Variants in KCNH7 observed in about 807,000 individuals in gnomAD.
The protein encoded by KCNH7 is potassium voltage-gated channel subfamily H member 7.
In KCNH7, 49 loss-of-function variants were observed where a neutral mutation model predicts 120.8. That is an observed-to-expected ratio of 0.41 (90% CI 0.32 to 0.51). The LOEUF is 0.51. KCNH7 is among the 20% of genes least tolerant of loss of function. The pLI, the probability that KCNH7 is intolerant of heterozygous loss-of-function variation, is 0.38. For missense variants in KCNH7, 1,097 were observed against 1,446.6 expected (o/e 0.76, Z 3.92); for synonymous variants, 547 against 516.1 (o/e 1.06, Z -0.81).
intron 2 of KCNH7, among the ~76,000 whole-genome samples, chr2:162,695,450 C>T (rs187402146): frequency 6.6e-6 from 1 of 152,160 alleles, no homozygotes; most frequent in Non-Finnish European, 1.5e-5. Flanking sequence ...AGCTGGGTGA[C>T]AAGATATTTC....
intron 2 of KCNH7, among the ~76,000 whole-genome samples, chr2:162,612,515 G>A (rs1415463489): frequency 6.6e-6 from 1 of 152,000 alleles, no homozygotes; most frequent in Non-Finnish European, 1.5e-5. Context: ...ACCCCAAATA[G>A]TAAATTATCA....
chr2:162,648,862 C>T (rs1017932111), intron 2 of KCNH7, among the ~76,000 whole-genome samples: 3 of 151,962 alleles, frequency 2.0e-5, no homozygotes, highest in Non-Finnish European at 2.9e-5. Flanking sequence ...GGTGGTGGGA[C>T]GTGAGGTGGG....
intron 2 of KCNH7, among the ~76,000 whole-genome samples, chr2:162,771,295 C>G (rs1683045662): frequency 6.6e-6 from 1 of 152,106 alleles, no homozygotes; most frequent in African/African-American, 2.4e-5. Flanking sequence ...TTTCATTGCT[C>G]TTATGAAATG....
intron 2 of KCNH7, among the ~76,000 whole-genome samples, chr2:162,630,205 A>T (rs535393756): frequency 7.2e-5 from 11 of 152,132 alleles, no homozygotes; most frequent in Non-Finnish European, 1.5e-4. Flanking sequence ...AGTTTTGCAA[A>T]TATTGAATTT....
At position 162,584,200 on chromosome 2, in the gene KCNH7, A is replaced by G. The variant is rs761044258; in HGVS notation, c.308-47120T>C. Among the ~76,000 whole-genome samples the G allele has an allele frequency of 1.5e-4, 23 of 152,120 alleles. 1 individual carries two copies. The highest frequency in any genetic ancestry group is 1.4e-3 in the Admixed American group (22 of 15,258). ...TACAGGTGTATAGGCCTCTAATACC[A>G]TATGCTGTTTGATGATGTAATTTAC... On this transcript the variant is annotated intron_variant, in intron 2 of 15. Transcript: ENST00000332142.
At chr2:162,401,455 T>A (rs1292732869) in intron 9 of KCNH7, among the ~76,000 whole-genome samples, 1 of 151,962 alleles carries the variant, frequency 6.6e-6, no homozygotes. Context: ...GGGCATTTCC[T>A]ATCTTTTTGG....
chr2:162,408,033 A>G (rs1687280107), intron 9 of KCNH7, among the ~76,000 whole-genome samples: 1 of 152,066 alleles, frequency 6.6e-6, no homozygotes, highest in Non-Finnish European at 1.5e-5. Context: ...CCAGTTTTCA[A>G]ATTTGAAAGC....
intron 2 of KCNH7, among the ~76,000 whole-genome samples, chr2:162,620,311 T>C (rs1459349624): frequency 1.3e-5 from 2 of 151,816 alleles, no homozygotes; most frequent in East Asian, 3.9e-4. Flanking sequence ...TTGAACCCCA[T>C]GATCTCAAAG....
chr2:162,456,826 C>G (rs555663155), intron 6 of KCNH7, among the ~76,000 whole-genome samples: 1 of 152,036 alleles, frequency 6.6e-6, no homozygotes, highest in Non-Finnish European at 1.5e-5. Context: ...GGATTTCAAA[C>G]CCCTGCTTTT....
intron 2 of KCNH7, among the ~76,000 whole-genome samples, chr2:162,829,790 AAC>A (rs1472925872): frequency 4.0e-5 from 6 of 151,896 alleles, no homozygotes; most frequent in African/African-American, 7.3e-5. Context: ...TGAAAAAAAA[AAC>A]AAAGCATTAC....
Position 162,663,669 on chromosome 2 carries a change from T to A in KCNH7, c.308-126589A>T, listed in dbSNP as rs540373001. Among the ~76,000 whole-genome samples, 22 of 152,232 alleles carry A rather than the reference T, an allele frequency of 1.4e-4. No individual in the cohort carries two copies. The East Asian group carries it at 3.1e-3, about 21-fold the overall frequency. On this transcript the variant is annotated intron_variant, in intron 2 of 15. Transcript: ENST00000332142. ...ATTTAACCTGTGTAGGGAAAAGCAT[T>A]CTGAATAAGCTTCATCAAACCCTAA...
At position 162,446,011 on chromosome 2, in the gene KCNH7, T is replaced by G. The variant is rs372050014; in HGVS notation, c.1554+7A>C. On this transcript the variant is annotated splice_region_variant and intron_variant, in intron 7 of 15. Transcript: ENST00000332142. ...TTCAGAAAATAAGAATCTTAAGCAG[T>G]TCTTACCTCATCAGAACCTGATCCA... is the stretch of plus-strand genomic sequence containing the variant. 4.0e-5 allele frequency: 65 copies of G among 1,605,790 alleles called. No homozygotes were observed. Among genetic ancestry groups the G allele is most frequent in the Non-Finnish European group, 5.4e-5 (64 of 1,175,330 alleles).
chr2:162,447,153 C>G (rs1368744539), intron 6 of KCNH7, among the ~76,000 whole-genome samples: 1 of 151,950 alleles, frequency 6.6e-6, no homozygotes, highest in African/African-American at 2.4e-5. Flanking sequence ...AGAATATTGA[C>G]CTGGAAATGT....
intron 2 of KCNH7, among the ~76,000 whole-genome samples, chr2:162,554,135 G>A (rs1692778853): frequency 1.3e-5 from 2 of 152,120 alleles, no homozygotes; most frequent in African/African-American, 2.4e-5. Context: ...TGTTAGTTGA[G>A]GCCCATTCAT....
intron 2 of KCNH7, among the ~76,000 whole-genome samples, chr2:162,696,991 T>C (rs1257124136): frequency 6.6e-6 from 1 of 152,162 alleles, no homozygotes; most frequent in Admixed American, 6.6e-5. Context: ...CTATTAGTTA[T>C]TTTCATTTAT....
intron 8 of KCNH7, among the ~76,000 whole-genome samples, chr2:162,425,372 T>G (rs1050812473): frequency 6.6e-6 from 1 of 152,024 alleles, no homozygotes; most frequent in Non-Finnish European, 1.5e-5. Context: ...TGAGGCTGAA[T>G]TGGCATGTAT....
chr2:162,394,138 AAATC>A (rs1686830364), intron 12 of KCNH7, among the ~76,000 whole-genome samples: 1 of 151,972 alleles, frequency 6.6e-6, no homozygotes, highest in South Asian at 2.1e-4. Flanking sequence ...CGTCTTTTAA[AAATC>A]AATCCACTCT....
chr2:162,432,878 C>T (rs1411747550), intron 8 of KCNH7, among the ~76,000 whole-genome samples: 1 of 151,980 alleles, frequency 6.6e-6, no homozygotes, highest in Non-Finnish European at 1.5e-5. Context: ...TCCCTCTTTG[C>T]TGATAATATT....
intron 4 of KCNH7, among the ~76,000 whole-genome samples, chr2:162,516,782 A>G (rs574629097): frequency 6.6e-6 from 1 of 151,814 alleles, no homozygotes; most frequent in South Asian, 2.1e-4. Context: ...TGAGGGAGGA[A>G]AAAGATTGCA....
Sources: gnomAD v4.1 joint callset for allele counts (sites outside exome capture counted in the v4.1 genomes callset) on GRCh38, gnomAD v4.1.1 for gene constraint, MANE v1.5 for transcripts, NCBI Gene and HGNC (gene_info 2026-07-23, HGNC 2026-07-21) for gene names.